The following NAA11 variants were observed in gnomAD, a reference collection of about 807,000 sequenced individuals.
NAA11 encodes the protein N-alpha-acetyltransferase 11.
A neutral mutation model predicts 16.1 loss-of-function variants in NAA11; 15 were observed. That is an observed-to-expected ratio of 0.93 (90% CI 0.62 to 1.44). NAA11 has a LOEUF of 1.44. NAA11 is among the 40% of genes most tolerant of loss of function. The pLI is 0.00. For missense variants in NAA11, 298 were observed against 291.3 expected, an observed-to-expected ratio of 1.02 and a Z score of -0.17; for synonymous variants, 122 against 112.4, an observed-to-expected ratio of 1.09 and a Z score of -0.54.
intron 1 of NAA11, among the ~76,000 whole-genome samples, chr4:79,302,359 G>A (rs928760164): frequency 2.6e-5 from 4 of 152,162 alleles, no homozygotes; most frequent in African/African-American, 9.7e-5. Flanking sequence ...CAAGGAAAAT[G>A]TCACTGATTT....
At chr4:79,245,585 T>C (rs7696267) in intron 2 of NAA11, 114,230 of 126,090 alleles carry the variant, frequency 0.91, 52,167 homozygotes, top group East Asian at 1. Flanking sequence ...AGCGTCTCTA[T>C]CTGGCCGCCA....
chr4:79,213,831 C>T, the NAA11 span, among the ~76,000 whole-genome samples: 1 of 152,134 alleles, frequency 6.6e-6, no homozygotes, highest in East Asian at 1.9e-4. Context: ...TAATTGCTCA[C>T]CTTCACAGAA....
At chr4:79,172,856 G>GA in the NAA11 span, among the ~76,000 whole-genome samples, 3 of 152,138 alleles carry the variant, frequency 2.0e-5, no homozygotes, top group Non-Finnish European at 4.4e-5. Flanking sequence ...AGTAGATTTA[G>GA]AAGGGGTATT....
chr4:79,169,233 T>C, the NAA11 span, among the ~76,000 whole-genome samples: 4 of 152,192 alleles, frequency 2.6e-5, no homozygotes, highest in Non-Finnish European at 4.4e-5. Flanking sequence ...ATTGATTTTC[T>C]TCATAGAATT....
chr4:79,198,899 A>G, the NAA11 span, among the ~76,000 whole-genome samples: 1 of 151,902 alleles, frequency 6.6e-6, no homozygotes, highest in Non-Finnish European at 1.5e-5. Context: ...ATTCTATGCA[A>G]CCTGCAGGAA....
At chr4:79,269,582 C>T (rs1279965633) in intron 2 of NAA11, among the ~76,000 whole-genome samples, 6 of 150,202 alleles carry the variant, frequency 4.0e-5, no homozygotes, top group African/African-American at 1.5e-4. Flanking sequence ...GTTTGAGTTC[C>T]TTGTAGATTC....
chr4:79,319,753 A>G (rs1174156664), intron 1 of NAA11, among the ~76,000 whole-genome samples: 1 of 152,196 alleles, frequency 6.6e-6, no homozygotes, highest in Non-Finnish European at 1.5e-5. Flanking sequence ...CATAGAGTGC[A>G]GTTGCATTTG....
chr4:79,190,747 G>T, the NAA11 span, among the ~76,000 whole-genome samples: 1 of 151,772 alleles, frequency 6.6e-6, no homozygotes, highest in African/African-American at 2.4e-5. Flanking sequence ...GGGTTTTTTT[G>T]ATACAGATTA....
At chr4:79,272,788 C>T (rs1164420694) in intron 2 of NAA11, among the ~76,000 whole-genome samples, 1 of 151,806 alleles carries the variant, frequency 6.6e-6, no homozygotes, top group Non-Finnish European at 1.5e-5. Flanking sequence ...TTCTGTGGGT[C>T]AATAATTCAA....
chr4:79,296,492 CTTTA>C (rs1160329515), intron 1 of NAA11, among the ~76,000 whole-genome samples: 1 of 152,182 alleles, frequency 6.6e-6, no homozygotes, highest in East Asian at 1.9e-4. Flanking sequence ...ATGTACCTCC[CTTTA>C]TTTCTTTTCT....
At chr4:79,214,743 A>G in the NAA11 span, among the ~76,000 whole-genome samples, 2 of 152,158 alleles carry the variant, frequency 1.3e-5, no homozygotes, top group African/African-American at 4.8e-5. Context: ...GCTTGCAGTG[A>G]GCCGAGATGG....
At chr4:79,229,970 T>C (rs1219543646) in intron 2 of NAA11, among the ~76,000 whole-genome samples, 1 of 151,992 alleles carries the variant, frequency 6.6e-6, no homozygotes, top group African/African-American at 2.4e-5. Flanking sequence ...TATTGTATCT[T>C]TATGGATTTT....
chr4:79,217,461 G>A, the NAA11 span, among the ~76,000 whole-genome samples: 3 of 152,074 alleles, frequency 2.0e-5, no homozygotes, highest in Non-Finnish European at 2.9e-5. Flanking sequence ...ATTTGGCAGA[G>A]TAAATAGAAA....
At chr4:79,240,257 C>A (rs1184358837) in intron 2 of NAA11, among the ~76,000 whole-genome samples, 1 of 152,166 alleles carries the variant, frequency 6.6e-6, no homozygotes, top group Non-Finnish European at 1.5e-5. Context: ...ATGGAATTAA[C>A]TAACCTTACC....
chr4:79,287,438 T>G (rs536480159), intron 2 of NAA11, among the ~76,000 whole-genome samples: 1 of 152,228 alleles, frequency 6.6e-6, no homozygotes, highest in East Asian at 1.9e-4. Context: ...AGGCTAATAC[T>G]TGTCAAGTCT....
intron 2 of NAA11, among the ~76,000 whole-genome samples, chr4:79,264,027 A>G (rs1221439751): frequency 6.6e-6 from 1 of 152,298 alleles, no homozygotes; most frequent in Non-Finnish European, 1.5e-5. Context: ...GATTATAGGC[A>G]TGAGCCACTG....
chr4:79,178,328 T>C, the NAA11 span, among the ~76,000 whole-genome samples: 3 of 152,310 alleles, frequency 2.0e-5, no homozygotes, highest in South Asian at 2.1e-4. Flanking sequence ...TGGGAAAACA[T>C]ATTATGATAC....
chr4:79,193,179 G>T, the NAA11 span, among the ~76,000 whole-genome samples: 1 of 152,148 alleles, frequency 6.6e-6, no homozygotes, highest in East Asian at 1.9e-4. Flanking sequence ...TAGGTTGCCT[G>T]TTCACTCTGA....
chr4:79,161,056 A>C, the NAA11 span, among the ~76,000 whole-genome samples: 1 of 152,198 alleles, frequency 6.6e-6, no homozygotes, highest in Admixed American at 6.5e-5. Flanking sequence ...CAAGAGCTTT[A>C]TACTTTTAGC....
Sources: allele counts gnomAD v4.1 joint callset (sites outside exome capture counted in the v4.1 genomes callset), GRCh38; gene constraint gnomAD v4.1.1; transcripts MANE v1.5; gene names NCBI Gene and HGNC (gene_info 2026-07-23, HGNC 2026-07-21).